The following ZNF385D variants were observed in gnomAD, a reference collection of about 807,000 sequenced individuals.
ZNF385D encodes the protein zinc finger protein 659.
Under a neutral mutation model 35.8 loss-of-function variants are expected in ZNF385D, and 15 were observed. The observed-to-expected ratio is 0.42, with a 90% CI of 0.28 to 0.64. The LOEUF (loss-of-function observed/expected upper bound fraction) is 0.64. ZNF385D is among the 30% of genes least tolerant of loss of function. The pLI, the probability that ZNF385D is intolerant of heterozygous loss-of-function variation, is 0.23. For missense variants in ZNF385D, 474 were observed against 494.6 expected (o/e 0.96, Z 0.39); for synonymous variants, 212 against 186.8 (o/e 1.13, Z -1.10).
chr3:22,121,372 A>G lies in ZNF385D; in HGVS notation c.325+47445T>C, dbSNP rs1279453007. 3.3e-5 allele frequency among the ~76,000 whole-genome samples: 5 copies of G among 152,342 alleles called. No individual in the cohort carries two copies. The East Asian group carries it at 9.6e-4, about 29-fold the overall frequency. On this transcript the variant is annotated intron_variant, in intron 3 of 5. Transcript: ENST00000494108. ...AATCAATCTGCAGTCTGCAGCCCCC[A>G]GATTTAACTCAGCATGCATAATCAG...
intron 3 of ZNF385D, among the ~76,000 whole-genome samples, chr3:22,018,887 T>C (rs545468081): frequency 7.9e-5 from 12 of 152,086 alleles, no homozygotes; most frequent in African/African-American, 2.2e-4. Context: ...TCCCAATGCA[T>C]AGGCTGTGTA....
At chr3:22,170,571 CTCTA>C (rs1430899148) in intron 2 of ZNF385D, among the ~76,000 whole-genome samples, 4 of 152,238 alleles carry the variant, frequency 2.6e-5, no homozygotes, top group South Asian at 2.1e-4. Context: ...AAAAAGGAAA[CTCTA>C]TCTCTCTTAC....
chr3:21,928,717 C>G (rs1700867308), intron 3 of ZNF385D, among the ~76,000 whole-genome samples: 1 of 152,018 alleles, frequency 6.6e-6, no homozygotes. Context: ...CAGTATTATG[C>G]CAACACCTAG....
At chr3:22,123,962 C>CTCTCTATATATA (rs1491571691) in intron 3 of ZNF385D, among the ~76,000 whole-genome samples, 2 of 61,840 alleles carry the variant, frequency 3.2e-5, no homozygotes, top group African/African-American at 6.1e-5. Context: ...CTCTCTCTCT[C>CTCTCTATATATA]TATATATATA....
intron 2 of ZNF385D, among the ~76,000 whole-genome samples, chr3:22,307,147 G>C (rs1703271571): frequency 6.6e-6 from 1 of 152,084 alleles, no homozygotes; most frequent in South Asian, 2.1e-4. Flanking sequence ...TCCTAAAAAG[G>C]GGAGCAGACA....
rs149202584 is a variant in ZNF385D, at chr3:21,425,658, T to G, written c.686A>C (p.Lys229Thr). Residue 229 changes from lysine (K) to threonine (T), a missense_variant, in exon 6 of 8, where the codon AAA becomes ACA. Lys to Thr is a moderately conservative substitution (Grantham distance 78). Coordinates refer to ENST00000281523, the MANE Select transcript of ZNF385D (RefSeq NM_024697.3). The stretch of plus-strand genomic sequence containing the variant: ...TCCATTCCGGGCTTCTAACATGGTT[T>G]TGTGCTTAGTACCTGTCAGGAATAT... ...LEAHNSGTKH[K>T]TMLEARNGSG... 7.0e-4 allele frequency: 1,118 copies of G among 1,587,230 alleles called. No individual in the cohort carries two copies. Among genetic ancestry groups the G allele is most frequent in the Non-Finnish European group, 9.0e-4 (1,045 of 1,164,646 alleles).
chr3:22,106,153 T>C (rs765441681), intron 3 of ZNF385D, among the ~76,000 whole-genome samples: 2 of 152,052 alleles, frequency 1.3e-5, no homozygotes, highest in Non-Finnish European at 2.9e-5. Flanking sequence ...GCTCCAAAAA[T>C]CTCCATGGGA....
chr3:21,487,722 G>T (rs1182263169), intron 4 of ZNF385D, among the ~76,000 whole-genome samples: 2 of 152,222 alleles, frequency 1.3e-5, no homozygotes, highest in Non-Finnish European at 2.9e-5. Context: ...AGCTGGATTT[G>T]CTGACGTCAC....
intron 3 of ZNF385D, among the ~76,000 whole-genome samples, chr3:21,890,290 G>T (rs940350159): frequency 6.6e-6 from 1 of 152,126 alleles, no homozygotes; most frequent in African/African-American, 2.4e-5. Context: ...AAAGAAGTGG[G>T]AAAGAAAGAA....
intron 1 of ZNF385D, among the ~76,000 whole-genome samples, chr3:21,670,880 A>G (rs1200826008): frequency 6.6e-6 from 1 of 151,472 alleles, no homozygotes; most frequent in Admixed American, 6.6e-5. Context: ...AGTTTCCACA[A>G]AAAAAATGGA....
chr3:21,793,498 C>T (rs959576438), intron 3 of ZNF385D, among the ~76,000 whole-genome samples: 4 of 152,136 alleles, frequency 2.6e-5, no homozygotes, highest in Non-Finnish European at 4.4e-5. Flanking sequence ...TGCATTTTAA[C>T]AAGATCCCTC....
At chr3:21,846,963 G>A (rs772885023) in intron 3 of ZNF385D, among the ~76,000 whole-genome samples, 5 of 151,974 alleles carry the variant, frequency 3.3e-5, no homozygotes, top group Admixed American at 6.6e-5. Flanking sequence ...GCATAAAAAG[G>A]TCATGTAACT....
At chr3:21,563,014 C>G (rs2063010290) in intron 3 of ZNF385D, among the ~76,000 whole-genome samples, 1 of 152,162 alleles carries the variant, frequency 6.6e-6, no homozygotes, top group Non-Finnish European at 1.5e-5. Context: ...GCAGCAAATA[C>G]CACTTAAGTG....
chr3:22,198,937 C>A (rs1313887140), intron 2 of ZNF385D, among the ~76,000 whole-genome samples: 6 of 152,080 alleles, frequency 3.9e-5, no homozygotes, highest in African/African-American at 4.8e-5. Context: ...AATGGAATTG[C>A]TGTACATTTC....
intron 3 of ZNF385D, among the ~76,000 whole-genome samples, chr3:21,519,672 C>T (rs539686082): frequency 6.6e-6 from 1 of 152,106 alleles, no homozygotes; most frequent in African/African-American, 2.4e-5. Flanking sequence ...CTTTTTGGAG[C>T]TTTTTGTAAA....
chr3:22,163,923 C>T (rs1387033250), intron 3 of ZNF385D, among the ~76,000 whole-genome samples: 1 of 152,158 alleles, frequency 6.6e-6, no homozygotes, highest in Non-Finnish European at 1.5e-5. Flanking sequence ...TAAGAATTTA[C>T]AGGATCTATT....
chr3:21,667,294 T>C (rs2066437146), intron 1 of ZNF385D, among the ~76,000 whole-genome samples: 1 of 152,244 alleles, frequency 6.6e-6, no homozygotes, highest in Non-Finnish European at 1.5e-5. Flanking sequence ...CCCAAGTGGC[T>C]GGGACTACAG....
chr3:21,820,828 C>G (rs537113194), intron 3 of ZNF385D, among the ~76,000 whole-genome samples: 22 of 148,252 alleles, frequency 1.5e-4, no homozygotes, highest in Non-Finnish European at 2.1e-4. Context: ...AAAATAAGAA[C>G]CAGAAGTCAC....
At position 21,514,981 on chromosome 3, in the gene ZNF385D, C is replaced by T. The variant is rs550500775; in HGVS notation, c.277-3958G>A. 6.0e-4 allele frequency among the ~76,000 whole-genome samples: 92 copies of T among 152,212 alleles called. 1 individual carries two copies. Among genetic ancestry groups the T allele is most frequent in the South Asian group, 5.0e-3 (24 of 4,824 alleles). On this transcript the variant is annotated intron_variant, in intron 3 of 7. Coordinates refer to ENST00000281523, the MANE Select transcript of ZNF385D (RefSeq NM_024697.3). ...GGCTGACATTAAAGATATGCACACA[C>T]GCGTTCCTGTAGAACAGAACGCCAT...
Sources: gnomAD v4.1 joint callset for allele counts (sites outside exome capture counted in the v4.1 genomes callset) on GRCh38, gnomAD v4.1.1 for gene constraint, MANE v1.5 for transcripts, NCBI Gene and HGNC (gene_info 2026-07-23, HGNC 2026-07-21) for gene names.